Variants in RBFOX1 observed in about 807,000 individuals in gnomAD.
The protein encoded by RBFOX1 is RNA binding protein fox-1 homolog 1.
In RBFOX1, 8 loss-of-function variants were observed where a neutral mutation model predicts 57.7. That is an observed-to-expected ratio of 0.14 (90% CI 0.08 to 0.25). RBFOX1 has a LOEUF of 0.25. RBFOX1 is among the 10% of genes least tolerant of loss of function. The pLI, the probability that RBFOX1 is intolerant of heterozygous loss-of-function variation, is 1.00. For synonymous variants in RBFOX1, 326 were observed against 222.4 expected, an observed-to-expected ratio of 1.47 and a Z score of -4.15; for missense variants, 611 against 548.5, an observed-to-expected ratio of 1.11 and a Z score of -1.14.
At chr16:6,997,367 A>C (rs1383331937) in intron 3 of RBFOX1, among the ~76,000 whole-genome samples, 2 of 152,208 alleles carry the variant, frequency 1.3e-5, no homozygotes, top group Non-Finnish European at 2.9e-5. Context: ...TTAAAGGTAC[A>C]ATTGTCAACC....
chr16:7,120,478 A>C (rs1429860618), intron 4 of RBFOX1, among the ~76,000 whole-genome samples: 1 of 152,028 alleles, frequency 6.6e-6, no homozygotes, highest in Non-Finnish European at 1.5e-5. Context: ...CACATAAATT[A>C]AAAAGATTAT....
intron 2 of RBFOX1, among the ~76,000 whole-genome samples, chr16:6,617,799 A>G (rs911336612): frequency 1.3e-5 from 2 of 152,144 alleles, no homozygotes; most frequent in African/African-American, 4.8e-5. Context: ...AAGTACAGCA[A>G]TTTTCTTTTA....
rs146803665 is a variant in RBFOX1, at chr16:7,676,821, C to T, written c.978C>T (p.Ala326=). The T allele has an allele frequency of 1.8e-5, 29 of 1,612,930 alleles. No individual in the cohort carries two copies. The highest frequency in any genetic ancestry group is 2.0e-5 in the Non-Finnish European group (23 of 1,179,108). Residue 326 remains alanine, a synonymous_variant, in exon 14 of 16, where the codon GCC becomes GCT. Coordinates refer to ENST00000550418, the MANE Select transcript of RBFOX1 (RefSeq NM_018723.4). ...ACGCCCAGCCTACCCCTGCCACTGCCGCTGCCTACAGTGACAGGTAAGGGT... is the reference window on the plus strand; with the variant it reads ...ACGCCCAGCCTACCCCTGCCACTGCTGCTGCCTACAGTGACAGGTAAGGGT... The part of the protein sequence containing the change: ...YRYAQPTPAT[A]AAYSDSYGRV...
chr16:6,910,881 G>T (rs1596964831), intron 3 of RBFOX1, among the ~76,000 whole-genome samples: 1 of 152,092 alleles, frequency 6.6e-6, no homozygotes, highest in East Asian at 1.9e-4. Flanking sequence ...TTATACCTTT[G>T]CCTTCCTTGC....
chr16:6,018,769 G>C (rs1480883165), upstream of RBFOX1, among the ~76,000 whole-genome samples: 3 of 152,194 alleles, frequency 2.0e-5, no homozygotes, highest in African/African-American at 2.4e-5. Context: ...TTTGATTGGG[G>C]TTGGGAGGAG....
chr16:6,479,777 C>T (rs1004787353), intron 2 of RBFOX1, among the ~76,000 whole-genome samples: 7 of 151,378 alleles, frequency 4.6e-5, no homozygotes, highest in Non-Finnish European at 7.4e-5. Context: ...AGGCCAGGCA[C>T]GGTGGCTCAT....
chr16:7,377,030 A>T (rs1317125195), intron 4 of RBFOX1, among the ~76,000 whole-genome samples: 1 of 152,162 alleles, frequency 6.6e-6, no homozygotes, highest in Non-Finnish European at 1.5e-5. Flanking sequence ...CCCTGTAAAG[A>T]TTTCTTCAAA....
At position 6,239,485 on chromosome 16, in the gene RBFOX1, CTTTTTTTTTTTTTTTTT is replaced by C. The variant is rs59244306; in HGVS notation, c.-126-77497_-126-77481del. On this transcript the variant is annotated intron_variant, in intron 1 of 15. Transcript: ENST00000550418. The stretch of plus-strand genomic sequence containing the variant: ...ATAACTTATTCTTCTCCAACTGACT[CTTTTTTTTTTTTTTTTT>C]TTTTTTTTTTTTCTGAGATAGAGTC... Among the ~76,000 whole-genome samples, 9 of 67,802 alleles carry C rather than the reference CTTTTTTTTTTTTTTTTT, an allele frequency of 1.3e-4. No homozygotes were observed. The South Asian group carries it at 3.4e-3, about 26-fold the overall frequency. The allele number at this position is 67,802 out of a possible 152,430, so 44.5% of individuals were successfully genotyped here. A position where few individuals can be genotyped will look rare whatever the true frequency, so the allele number is the denominator to read the frequency against.
At chr16:7,084,901 A>G (rs549366507) in intron 4 of RBFOX1, among the ~76,000 whole-genome samples, 27 of 151,862 alleles carry the variant, frequency 1.8e-4, no homozygotes, top group Non-Finnish European at 3.4e-4. Context: ...CGTTTGTCCA[A>G]CCAGCCATTC....
chr16:5,282,092 A>G (rs911951201), intron 1 of RBFOX1, among the ~76,000 whole-genome samples: 4 of 152,300 alleles, frequency 2.6e-5, no homozygotes, highest in African/African-American at 4.8e-5. Context: ...GGTCTTTACC[A>G]TGCTATTCTT....
chr16:6,478,483 C>G (rs865907584), intron 2 of RBFOX1, among the ~76,000 whole-genome samples: 1 of 131,214 alleles, frequency 7.6e-6, no homozygotes, highest in South Asian at 2.4e-4. Flanking sequence ...ACCATGTTGG[C>G]GAGGCTGTTC....
chr16:6,113,871 C>A (rs2096471016), intron 1 of RBFOX1, among the ~76,000 whole-genome samples: 1 of 152,164 alleles, frequency 6.6e-6, no homozygotes, highest in Non-Finnish European at 1.5e-5. Context: ...CCTTTGCTCC[C>A]ATCCCAGAGA....
intron 4 of RBFOX1, among the ~76,000 whole-genome samples, chr16:7,356,379 C>G (rs58165463): frequency 0.013 from 2,055 of 152,260 alleles, 51 homozygotes; most frequent in African/African-American, 0.047. Flanking sequence ...CAGGTAAGGC[C>G]TCTCTGAGCA....
At chr16:6,552,767 CAT>C (rs1218085056) in intron 2 of RBFOX1, among the ~76,000 whole-genome samples, 6 of 151,476 alleles carry the variant, frequency 4.0e-5, no homozygotes, top group African/African-American at 1.5e-4. Flanking sequence ...AATGTACACA[CAT>C]ATAAATACAC....
At chr16:7,154,008 A>G (rs923736397) in intron 4 of RBFOX1, among the ~76,000 whole-genome samples, 1 of 152,184 alleles carries the variant, frequency 6.6e-6, no homozygotes, top group Admixed American at 6.5e-5. Context: ...TTCTCAATTT[A>G]TCCATCATCA....
intron 3 of RBFOX1, among the ~76,000 whole-genome samples, chr16:6,898,978 G>A (rs1413707894): frequency 6.6e-6 from 1 of 150,444 alleles, no homozygotes; most frequent in East Asian, 2.0e-4. Context: ...TATGATGTGT[G>A]TATGTGTGCA....
chr16:6,950,360 A>C (rs1322340679), intron 3 of RBFOX1, among the ~76,000 whole-genome samples: 2 of 151,992 alleles, frequency 1.3e-5, no homozygotes. Context: ...ACTTGTGTGG[A>C]TCTCTGTCCC....
intron 3 of RBFOX1, among the ~76,000 whole-genome samples, chr16:6,863,143 C>T (rs1289724258): frequency 6.6e-6 from 1 of 151,962 alleles, no homozygotes; most frequent in Non-Finnish European, 1.5e-5. Context: ...AATTAATAAG[C>T]AGGGGATCAA....
chr16:7,023,650 T>C (rs1317755291), intron 3 of RBFOX1, among the ~76,000 whole-genome samples: 2 of 146,502 alleles, frequency 1.4e-5, no homozygotes, highest in Non-Finnish European at 3.0e-5. Context: ...GGCCCCAGTA[T>C]ACCTTGGAAC....
Sources: allele counts gnomAD v4.1 joint callset (sites outside exome capture counted in the v4.1 genomes callset), GRCh38; gene constraint gnomAD v4.1.1; transcripts MANE v1.5; gene names NCBI Gene and HGNC (gene_info 2026-07-23, HGNC 2026-07-21).